Variants in RFX2 observed in about 807,000 individuals in gnomAD.
RFX2 encodes regulatory factor X2.
In RFX2, 20 loss-of-function variants were observed where a neutral mutation model predicts 87.8. That is an observed-to-expected ratio of 0.23 (90% CI 0.16 to 0.33). RFX2 has a LOEUF of 0.33. RFX2 is among the 10% of genes least tolerant of loss of function. RFX2 has a pLI of 1.00. For missense variants in RFX2, 767 were observed against 1,012.3 expected (o/e 0.76, Z 3.29); for synonymous variants, 397 against 431.3 (o/e 0.92, Z 0.98).
At chr19:6,054,926 C>T (rs1322976634) in intron 1 of RFX2, among the ~76,000 whole-genome samples, 1 of 152,180 alleles carries the variant, frequency 6.6e-6, no homozygotes, top group Non-Finnish European at 1.5e-5. Context: ...AGGTAAGCCA[C>T]AGCCTGGGAG....
intron 9 of RFX2, among the ~76,000 whole-genome samples, chr19:6,008,980 C>G (rs529293423): frequency 2.0e-5 from 3 of 152,234 alleles, no homozygotes; most frequent in African/African-American, 7.2e-5. Context: ...GTGCCCAGTA[C>G]AGTCAGGGAA....
chr19:6,055,580 T>C (rs1209379751), intron 1 of RFX2, among the ~76,000 whole-genome samples: 1 of 152,108 alleles, frequency 6.6e-6, no homozygotes, highest in East Asian at 1.9e-4. Flanking sequence ...CGCAGCACCA[T>C]ACCCGGCTAA....
In RFX2 at chr19:6,004,501, T is replaced by C. The variant is rs1466667318; in HGVS notation, c.1403-203A>G. On this transcript the variant is annotated intron_variant, in intron 12 of 17. Transcript: ENST00000303657. The surrounding 1 kb of genome is among the most constrained non-coding windows in gnomAD (Gnocchi z 4.8). Reference sequence around the variant, plus strand: ...GCGCTGCTGGTCACCACCCACTGCCTATGCGGGTCTCACAGGGGCGATTCT... The same window carrying C: ...GCGCTGCTGGTCACCACCCACTGCCCATGCGGGTCTCACAGGGGCGATTCT... Among the ~76,000 whole-genome samples, 4 of 152,204 alleles carry C rather than the reference T, an allele frequency of 2.6e-5. No individual in the cohort carries two copies. Among genetic ancestry groups the C allele is most frequent in the Admixed American group, 1.3e-4 (2 of 15,294 alleles).
intron 1 of RFX2, among the ~76,000 whole-genome samples, chr19:6,096,406 T>C (rs11670610): frequency 0.15 from 22,118 of 152,104 alleles, 2,052 homozygotes; most frequent in Middle Eastern, 0.23. Flanking sequence ...TCATAGTTGA[T>C]ACTGCGCACA....
rs1368580528 is a variant in RFX2, at chr19:6,002,908, G to A, written c.1501-38C>T. Reference sequence around the variant, plus strand: ...GCTCGTGGTGAGCAGGGGTTCGCAGGGAGAGCCTGTTCCGCTGCGCTCCTT... The same window carrying A: ...GCTCGTGGTGAGCAGGGGTTCGCAGAGAGAGCCTGTTCCGCTGCGCTCCTT... On this transcript the variant is annotated intron_variant, in intron 13 of 17. Transcript: ENST00000303657. This position sits in a 1 kb window ranked among gnomAD's most constrained non-coding sequence, Gnocchi z 6.7. 4 of 1,575,680 alleles carry A rather than the reference G, an allele frequency of 2.5e-6. No homozygotes were observed. Among genetic ancestry groups the A allele is most frequent in the South Asian group, 2.3e-5 (2 of 87,672 alleles).
chr19:6,060,664 C>T (rs928853213), intron 1 of RFX2, among the ~76,000 whole-genome samples: 3 of 152,106 alleles, frequency 2.0e-5, no homozygotes, highest in Non-Finnish European at 2.9e-5. Context: ...GGGCAGTTTT[C>T]GGGCCTCCTC....
Position 6,091,032 on chromosome 19 carries a change from T to C in RFX2, c.-9+19361A>G, listed in dbSNP as rs889430912. On this transcript the variant is annotated intron_variant, in intron 1 of 17. Coordinates refer to ENST00000303657, the MANE Select transcript of RFX2 (RefSeq NM_000635.4). ...CCACATAGACAAGAAGCAGACTTGG[T>C]GTTTGCCAGGGGCTGGGAGTAGGGG... Among the ~76,000 whole-genome samples the C allele has an allele frequency of 3.9e-5, 6 of 152,282 alleles. No homozygotes were observed. In the East Asian group the frequency reaches 1.2e-3, roughly 29 times the overall value.
chr19:6,110,068 GC>G lies in RFX2; in HGVS notation c.-9+324del, dbSNP rs1459743636. On this transcript the variant is annotated intron_variant, in intron 1 of 17. Transcript: ENST00000303657. This position sits in a 1 kb window ranked among gnomAD's most constrained non-coding sequence, Gnocchi z 4.3. ...GGAGTTTGAGAGACGTTCCCGGGGC[GC>G]CCCCAACTCAGCGAGTTTGAAGGTA... 6.6e-6 allele frequency among the ~76,000 whole-genome samples: 1 copy of G among 152,226 alleles called. No homozygotes were observed. Among genetic ancestry groups the G allele is most frequent in the East Asian group, 1.9e-4 (1 of 5,164 alleles).
At position 6,004,282 on chromosome 19, in the gene RFX2, G is replaced by A. The variant is rs1203716078; in HGVS notation, c.1419C>T (p.Ala473=). The A allele has an allele frequency of 1.1e-5, 17 of 1,613,888 alleles. No homozygotes were observed. The highest frequency in any genetic ancestry group is 1.4e-5 in the Non-Finnish European group (17 of 1,179,848). ...CCAAGCTCTTGGCAAAGTTACGGAT[G>A]GCCTGTGTCAAGGTACCTGGGGGAT... The part of the protein sequence containing the change: ...LRPVPSTLTQ[A]IRNFAKSLEG... The change falls in exon 13 of 18, where the codon GCC becomes GCT. Residue 473 remains alanine, a synonymous_variant. Transcript: ENST00000303657. This position sits in a 1 kb window ranked among gnomAD's most constrained non-coding sequence, Gnocchi z 4.8.
At chr19:6,019,900 G>A (rs867034769) in intron 6 of RFX2, 3 of 152,330 alleles carry the variant, frequency 2.0e-5, no homozygotes, top group African/African-American at 7.2e-5. Flanking sequence ...GCAGGATCCT[G>A]GAGATGTCTC....
chr19:6,034,064 G>A (rs1315674552), intron 5 of RFX2, among the ~76,000 whole-genome samples: 1 of 151,892 alleles, frequency 6.6e-6, no homozygotes, highest in East Asian at 1.9e-4. Context: ...GTACCCAAGT[G>A]ATTTATTTTT....
In RFX2 at chr19:6,010,987, A is replaced by T. The variant is rs1012146438; in HGVS notation, c.900-736T>A. Among the ~76,000 whole-genome samples, 4 of 151,968 alleles carry T rather than the reference A, an allele frequency of 2.6e-5. No homozygotes were observed. Among genetic ancestry groups the T allele is most frequent in the African/African-American group, 9.7e-5 (4 of 41,380 alleles). Reference sequence around the variant, plus strand: ...CAAAATTAGCTGGGCGTGGTGGCGCATGCCTTTAATCCCAGCGACTCAGGA... The same window carrying T: ...CAAAATTAGCTGGGCGTGGTGGCGCTTGCCTTTAATCCCAGCGACTCAGGA... On this transcript the variant is annotated intron_variant, in intron 8 of 17. Coordinates refer to ENST00000303657, the MANE Select transcript of RFX2 (RefSeq NM_000635.4). The surrounding 1 kb of genome is among the most constrained non-coding windows in gnomAD (Gnocchi z 5.0).
rs781066965 is a variant in RFX2, at chr19:5,997,082, G to A, written c.1991C>T (p.Thr664Met). ...CACCTCTCCCATCACAGCGATCGGC[G>A]TCTCTCCGGTGGCCTCCGCGACGCG... ...EHRVAEATGETPIAVMGEFND... is the reference protein window; with the variant it reads ...EHRVAEATGEMPIAVMGEFND... Residue 664 changes from threonine (T) to methionine (M), a missense_variant, in exon 16 of 18, where the codon ACG (threonine) becomes ATG (methionine). Thr to Met is a moderately conservative substitution (Grantham distance 81). This residue lies in a region of RFX2 where 621 missense variants were observed against 873.0 expected (regional missense o/e 0.71). Coordinates refer to ENST00000303657, the MANE Select transcript of RFX2 (RefSeq NM_000635.4). The surrounding 1 kb of genome is among the most constrained non-coding windows in gnomAD (Gnocchi z 4.2). The A allele has an allele frequency of 5.0e-5, 81 of 1,612,336 alleles. No homozygotes were observed. The highest frequency in any genetic ancestry group is 9.3e-5 in the African/African-American group (7 of 74,942).
At chr19:6,080,184 CAG>C (rs2087758114) in intron 1 of RFX2, among the ~76,000 whole-genome samples, 1 of 149,650 alleles carries the variant, frequency 6.7e-6, no homozygotes, top group Non-Finnish European at 1.5e-5. Flanking sequence ...GCTGGGACCA[CAG>C]GCACATGCCT....
rs1334684586 is a variant in RFX2 at position 5,993,639 on chromosome 19, G to A, written c.*1196C>T. ...TTCGTTAGAAATCGCGTCCTGGGCCGAGGCTCGTCTTTCTTCTCTGCAGTT... is the reference window on the plus strand; with the variant it reads ...TTCGTTAGAAATCGCGTCCTGGGCCAAGGCTCGTCTTTCTTCTCTGCAGTT... On this transcript the variant is annotated 3_prime_UTR_variant, in exon 18 of 18. Coordinates refer to ENST00000303657, the MANE Select transcript of RFX2 (RefSeq NM_000635.4). 2.0e-5 allele frequency: 3 copies of A among 152,200 alleles called. No homozygotes were observed. The highest frequency in any genetic ancestry group is 4.8e-5 in the African/African-American group (2 of 41,456). The allele number at this position is 152,200 out of a possible 1,614,324, so 9.4% of individuals were successfully genotyped here.
At position 6,024,803 on chromosome 19, in the gene RFX2, GGTGAGGACGGGA is replaced by G. The variant is rs1166824021; in HGVS notation, c.597+1348_597+1359del. On this transcript the variant is annotated intron_variant, in intron 6 of 17. Transcript: ENST00000303657. This position sits in a 1 kb window ranked among gnomAD's most constrained non-coding sequence, Gnocchi z 5.0. ...AGGACGGGAGTGAGGACGGGATCAC[GGTGAGGACGGGA>G]GTGAGGACGGGATCACGGTGAGGAC... 8.5e-6 allele frequency among the ~76,000 whole-genome samples: 1 copy of G among 117,826 alleles called. No homozygotes were observed. Among genetic ancestry groups the G allele is most frequent in the Non-Finnish European group, 1.7e-5 (1 of 58,208 alleles). 77.3% of individuals were successfully genotyped at this position (117,826 alleles called of 152,430 possible). A position where few individuals can be genotyped will look rare whatever the true frequency, so the allele number is the denominator to read the frequency against.
In RFX2 at chr19:6,010,150, T is replaced by C; in HGVS notation, c.1001A>G (p.His334Arg). The C allele has an allele frequency of 6.5e-7, 1 of 1,547,562 alleles. No homozygotes were observed. The highest frequency in any genetic ancestry group is 8.7e-7 in the Non-Finnish European group (1 of 1,145,590). Residue 334 changes from histidine (H) to arginine (R), a missense_variant, in exon 9 of 18, where the codon CAC becomes CGC. Around this residue, in one of 2 missense-constraint regions of RFX2, gnomAD observed 621 missense variants for 873.0 expected, o/e 0.71. Coordinates refer to ENST00000303657, the MANE Select transcript of RFX2 (RefSeq NM_000635.4). This position sits in a 1 kb window ranked among gnomAD's most constrained non-coding sequence, Gnocchi z 5.0. ...EQTMAVQSQH[H>R]QQYIDVSHVF... ...GGGCCTCTCACCTATGTACTGCTGG[T>C]GGTGCTGGCTCTGCACGGCCATGGT...
intron 1 of RFX2, among the ~76,000 whole-genome samples, chr19:6,098,929 T>C (rs2088069103): frequency 7.7e-6 from 1 of 130,562 alleles, no homozygotes; most frequent in Non-Finnish European, 1.5e-5. Flanking sequence ...CCCAAATGTA[T>C]GCAGCTTTCA....
At chr19:6,055,638 G>A (rs2087326711) in intron 1 of RFX2, among the ~76,000 whole-genome samples, 1 of 152,102 alleles carries the variant, frequency 6.6e-6, no homozygotes, top group African/African-American at 2.4e-5. Context: ...TGCCCAGGCT[G>A]GTCTCAAACT....
Sources: allele counts gnomAD v4.1 joint callset (sites outside exome capture counted in the v4.1 genomes callset), GRCh38; gene constraint gnomAD v4.1.1; regional missense constraint gnomAD v4.1.1; non-coding constraint Gnocchi (gnomAD v3.1); transcripts MANE v1.5; gene names NCBI Gene and HGNC (gene_info 2026-07-23, HGNC 2026-07-21).